The following SLC24A3 variants were observed in gnomAD, a reference collection of about 807,000 sequenced individuals.
The protein encoded by SLC24A3 is sodium/potassium/calcium exchanger 3.
Under a neutral mutation model 75.8 loss-of-function variants are expected in SLC24A3, and 28 were observed. The observed-to-expected ratio is 0.37, with a 90% CI of 0.27 to 0.51. The LOEUF (loss-of-function observed/expected upper bound fraction) is 0.51, where lower values mean the gene tolerates loss of function less well. Ranked by LOEUF, SLC24A3 falls within the 20% of genes least tolerant of loss-of-function variation. The pLI, the probability that SLC24A3 is intolerant of heterozygous loss-of-function variation, is 0.94. For synonymous variants in SLC24A3, 372 were observed against 334.1 expected (o/e 1.11, Z -1.24); for missense variants, 663 against 847.8 (o/e 0.78, Z 2.71).
chr20:19,649,440 C>T (rs1485797772), intron 6 of SLC24A3, among the ~76,000 whole-genome samples: 1 of 152,200 alleles, frequency 6.6e-6, no homozygotes, highest in African/African-American at 2.4e-5. Flanking sequence ...TTCTCTCCCT[C>T]CTAGAATATA....
intron 6 of SLC24A3, among the ~76,000 whole-genome samples, chr20:19,616,495 A>G (rs2031738545): frequency 6.6e-6 from 1 of 152,098 alleles, no homozygotes. Flanking sequence ...GTGCTTGACA[A>G]TTTTTTAACA....
chr20:19,543,561 C>A (rs1410079694), intron 3 of SLC24A3, among the ~76,000 whole-genome samples: 1 of 152,064 alleles, frequency 6.6e-6, no homozygotes, highest in Non-Finnish European at 1.5e-5. Context: ...GGGAGGGAGG[C>A]CAACCTGCGG....
intron 9 of SLC24A3, among the ~76,000 whole-genome samples, chr20:19,678,981 G>T (rs2032573618): frequency 2.0e-5 from 3 of 151,724 alleles, no homozygotes; most frequent in Admixed American, 2.0e-4. Context: ...TTCCTAGATG[G>T]GATGGCGGCC....
rs967696549 is a variant in SLC24A3 at position 19,258,314 on chromosome 20, A to G, written c.143-22645A>G. Among the ~76,000 whole-genome samples, 7 of 152,078 alleles carry G rather than the reference A, an allele frequency of 4.6e-5. No homozygotes were observed. In the South Asian group the frequency reaches 6.2e-4, roughly 14 times the overall value. On this transcript the variant is annotated intron_variant, in intron 1 of 16. Coordinates refer to ENST00000328041, the MANE Select transcript of SLC24A3 (RefSeq NM_020689.4). ...GGGAAGAGAGCTTTTGGTAAAAGCC[A>G]CTCTGAACATTTTTCCAGAAAACTG... is the stretch of plus-strand genomic sequence containing the variant.
intron 6 of SLC24A3, among the ~76,000 whole-genome samples, chr20:19,634,248 A>G (rs1327491910): frequency 6.6e-6 from 1 of 152,182 alleles, no homozygotes; most frequent in African/African-American, 2.4e-5. Context: ...TTTCCAGTGC[A>G]GTAATGCTGG....
intron 2 of SLC24A3, among the ~76,000 whole-genome samples, chr20:19,483,214 T>C (rs192051210): frequency 6.6e-6 from 1 of 152,308 alleles, no homozygotes; most frequent in African/African-American, 2.4e-5. Flanking sequence ...CTGCACTTGG[T>C]CACCAATAGT....
At chr20:19,377,510 G>A (rs1482669230) in intron 2 of SLC24A3, among the ~76,000 whole-genome samples, 1 of 152,194 alleles carries the variant, frequency 6.6e-6, no homozygotes, top group Non-Finnish European at 1.5e-5. Context: ...AGCTATGGAG[G>A]TGGATGTCAG....
chr20:19,390,912 G>T (rs1986354361), intron 2 of SLC24A3, among the ~76,000 whole-genome samples: 1 of 152,122 alleles, frequency 6.6e-6, no homozygotes, highest in African/African-American at 2.4e-5. Context: ...TTCTGAGGCT[G>T]CAGGGGCTTG....
chr20:19,360,603 C>G (rs142887804), intron 2 of SLC24A3, among the ~76,000 whole-genome samples: 3 of 152,320 alleles, frequency 2.0e-5, no homozygotes, highest in Non-Finnish European at 4.4e-5. Context: ...ATGTAAATGT[C>G]TTGGTATCTT....
At chr20:19,325,822 AGAGAGAGAGAGAGAGAGG>A (rs1174096193) in intron 2 of SLC24A3, among the ~76,000 whole-genome samples, 1,457 of 113,696 alleles carry the variant, frequency 0.013, 78 homozygotes, top group African/African-American at 0.064. Flanking sequence ...AGAGAGAGAG[AGAGAGAGAGAGAGAGAGG>A]GAGACATCTG....
intron 3 of SLC24A3, among the ~76,000 whole-genome samples, chr20:19,565,414 G>T: frequency 1.3e-5 from 1 of 74,324 alleles, no homozygotes; most frequent in Non-Finnish European, 3.6e-5. Context: ...GGGGGGTGGG[G>T]GGTCAAATAA....
At chr20:19,313,236 T>C (rs1477381573) in intron 2 of SLC24A3, among the ~76,000 whole-genome samples, 4 of 152,038 alleles carry the variant, frequency 2.6e-5, no homozygotes, top group African/African-American at 9.7e-5. Flanking sequence ...CATTTCACCA[T>C]GTTGGCCAGG....
intron 2 of SLC24A3, among the ~76,000 whole-genome samples, chr20:19,427,660 A>T (rs1987034661): frequency 6.6e-6 from 1 of 152,118 alleles, no homozygotes; most frequent in Non-Finnish European, 1.5e-5. Context: ...TGCCTATTAC[A>T]GGCCCCGCCC....
At chr20:19,384,205 C>T (rs6046034) in intron 2 of SLC24A3, among the ~76,000 whole-genome samples, 76 of 152,302 alleles carry the variant, frequency 5.0e-4, no homozygotes, top group African/African-American at 1.7e-3. Flanking sequence ...AACAGCTACT[C>T]TCTTATCAAA....
intron 2 of SLC24A3, among the ~76,000 whole-genome samples, chr20:19,478,814 T>A (rs1221429255): frequency 6.6e-6 from 1 of 152,194 alleles, no homozygotes; most frequent in East Asian, 1.9e-4. Context: ...AAGTGCACTT[T>A]GAGGACAGGA....
intron 1 of SLC24A3, among the ~76,000 whole-genome samples, chr20:19,274,197 C>T (rs1374163071): frequency 1.3e-5 from 2 of 151,196 alleles, no homozygotes; most frequent in East Asian, 2.1e-4. Flanking sequence ...TGATTGCCGC[C>T]GCTGAGTTGG....
intron 2 of SLC24A3, among the ~76,000 whole-genome samples, chr20:19,308,246 A>G (rs1984376448): frequency 2.6e-5 from 4 of 152,216 alleles, no homozygotes; most frequent in Admixed American, 2.6e-4. Context: ...AAAGGTCTCT[A>G]GTGGTATATT....
intron 2 of SLC24A3, among the ~76,000 whole-genome samples, chr20:19,346,145 GTA>G (rs533297855): frequency 1.2e-4 from 9 of 76,670 alleles, no homozygotes; most frequent in African/African-American, 4.7e-4. Context: ...TATGGTGTGT[GTA>G]TATATATATG....
intron 1 of SLC24A3, among the ~76,000 whole-genome samples, chr20:19,277,730 A>G (rs1333599762): frequency 6.6e-6 from 1 of 152,164 alleles, no homozygotes; most frequent in Admixed American, 6.5e-5. Flanking sequence ...TTATGTTTAA[A>G]AATCCTCTAA....
Sources: gnomAD v4.1 joint callset for allele counts (sites outside exome capture counted in the v4.1 genomes callset) on GRCh38, gnomAD v4.1.1 for gene constraint, MANE v1.5 for transcripts, NCBI Gene and HGNC (gene_info 2026-07-23, HGNC 2026-07-21) for gene names.